MYO5B: variants seen among roughly 807,000 people sequenced by gnomAD.
MYO5B encodes myosin VB.
In MYO5B, 143 loss-of-function variants were observed where a neutral mutation model predicts 229.3. The ratio of observed to expected loss-of-function variants is 0.62; its 90% confidence interval spans 0.54 to 0.72. The LOEUF (loss-of-function observed/expected upper bound fraction) is 0.72, where lower values mean the gene tolerates loss of function less well. Among genes scored for constraint, MYO5B ranks in the 30% least tolerant of loss-of-function variants. MYO5B has a pLI of 0.00. For synonymous variants in MYO5B, 918 were observed against 885.2 expected (o/e 1.04, Z -0.66); for missense variants, 2,321 against 2,331.0 (o/e 1.00, Z 0.09).
chr18:50,165,562 G>T (rs1258327063), intron 1 of MYO5B, among the ~76,000 whole-genome samples: 1 of 152,230 alleles, frequency 6.6e-6, no homozygotes, highest in African/African-American at 2.4e-5. Context: ...GATCACTTAA[G>T]GTCACGAGTT....
intron 33 of MYO5B, among the ~76,000 whole-genome samples, chr18:49,846,576 C>T (rs1192353484): frequency 6.6e-6 from 1 of 152,198 alleles, no homozygotes; most frequent in East Asian, 1.9e-4. Flanking sequence ...CTGTACCACA[C>T]AGCACTTTAA....
At chr18:49,898,556 T>C (rs967521303) in intron 21 of MYO5B, among the ~76,000 whole-genome samples, 1 of 152,136 alleles carries the variant, frequency 6.6e-6, no homozygotes, top group Non-Finnish European at 1.5e-5. Flanking sequence ...CTGCAAGAAA[T>C]GGTCTCAAGA....
In MYO5B at chr18:49,853,620, C is replaced by A; in HGVS notation, c.4050G>T (p.Gln1350His). The A allele has an allele frequency of 6.2e-7, 1 of 1,613,686 alleles. No individual in the cohort carries two copies. The highest frequency in any genetic ancestry group is 8.5e-7 in the Non-Finnish European group (1 of 1,180,002). Residue 1350 changes from glutamine (Q) to histidine (H), a missense_variant, in exon 31 of 40, where the codon CAG (glutamine) becomes CAT (histidine). By Grantham distance (24) the Gln-to-His change is conservative (BLOSUM62 0). This residue lies in a region of MYO5B where 2,113 missense variants were observed against 2,044.7 expected (regional missense o/e 1.03). Coordinates refer to ENST00000285039, the MANE Select transcript of MYO5B (RefSeq NM_001080467.3). ...CCACCTCCTCCTCATGCTCCAGGCTCTGGGCCTGCAGCTGAGCCTCCAGCA... is the reference window on the plus strand; with the variant it reads ...CCACCTCCTCCTCATGCTCCAGGCTATGGGCCTGCAGCTGAGCCTCCAGCA... The part of the protein sequence containing the change: ...ARLLEAQLQA[Q>H]SLEHEEEVEH...
chr18:49,911,470 G>T (rs2024956780), intron 18 of MYO5B, among the ~76,000 whole-genome samples: 1 of 152,186 alleles, frequency 6.6e-6, no homozygotes, highest in Non-Finnish European at 1.5e-5. Context: ...AATAAAGAAA[G>T]GCAGAGTAGT....
chr18:50,050,725 C>T (rs868194445), intron 2 of MYO5B, among the ~76,000 whole-genome samples: 1 of 152,174 alleles, frequency 6.6e-6, no homozygotes, highest in Admixed American at 6.5e-5. Flanking sequence ...CAGTGCCCAG[C>T]TGCCTTGAGG....
Position 50,137,299 on chromosome 18 carries a change from C to T in MYO5B, c.27+57468G>A, listed in dbSNP as rs138647831. Among the ~76,000 whole-genome samples the T allele has an allele frequency of 1.8e-3, 280 of 152,320 alleles. 10 individuals are homozygous for T. The East Asian group carries it at 0.052, about 28-fold the overall frequency. Reference sequence around the variant, plus strand: ...ATTTTGAACAAACGTTATTTCAGGGCCTGCTTTATGCCAGCACTGTGTAAG... The same window carrying T: ...ATTTTGAACAAACGTTATTTCAGGGTCTGCTTTATGCCAGCACTGTGTAAG... On this transcript the variant is annotated intron_variant, in intron 1 of 39. Coordinates refer to ENST00000285039, the MANE Select transcript of MYO5B (RefSeq NM_001080467.3).
intron 4 of MYO5B, among the ~76,000 whole-genome samples, chr18:50,024,638 T>TA (rs1012452730): frequency 1.3e-5 from 2 of 152,156 alleles, no homozygotes; most frequent in Non-Finnish European, 2.9e-5. Context: ...TATCGATCTG[T>TA]AATAGGGGCA....
At chr18:49,827,972 G>A (rs936584954) in intron 39 of MYO5B, among the ~76,000 whole-genome samples, 13 of 152,138 alleles carry the variant, frequency 8.5e-5, no homozygotes, top group Non-Finnish European at 1.9e-4. Context: ...GTATCCATGG[G>A]GGATTGGTTC....
intron 4 of MYO5B, among the ~76,000 whole-genome samples, chr18:50,006,259 CCTTCAAAAATATAACCAATGTGTGG>C (rs1568067739): frequency 6.6e-6 from 1 of 152,146 alleles, no homozygotes; most frequent in Non-Finnish European, 1.5e-5. Flanking sequence ...GACCCAATGT[CCTTCAAAAATATAACCAATGTGTGG>C]CTTCATCCAT....
At chr18:50,077,229 G>A (rs369177786) in intron 1 of MYO5B, among the ~76,000 whole-genome samples, 19 of 147,812 alleles carry the variant, frequency 1.3e-4, no homozygotes, top group African/African-American at 4.5e-4. Context: ...TCTTATTGTC[G>A]GTCTTTCACT....
rs2025942931 is a variant in MYO5B, at chr18:49,992,384, A to G, written c.660T>C (p.Phe220=). 4 of 1,614,092 alleles carry G rather than the reference A, an allele frequency of 2.5e-6. No homozygotes were observed. Among genetic ancestry groups the G allele is most frequent in the Non-Finnish European group, 3.4e-6 (4 of 1,180,032 alleles). ...KTTRNDNSSR[F]GKYIQIGFDK... ...CAAAGCCAATCTGGATGTACTTGCC[A>G]AAACGGCTGCTGTTGTCATTGCGGG... The change falls in exon 6 of 40, where the codon TTT becomes TTC. Residue 220 remains phenylalanine, a synonymous_variant. Coordinates refer to ENST00000285039, the MANE Select transcript of MYO5B (RefSeq NM_001080467.3).
At chr18:50,156,902 C>T (rs886300714) in intron 1 of MYO5B, among the ~76,000 whole-genome samples, 1 of 152,152 alleles carries the variant, frequency 6.6e-6, no homozygotes, top group Non-Finnish European at 1.5e-5. Flanking sequence ...TTATCCAACG[C>T]TACTGTCACC....
chr18:50,138,832 G>A (rs1207665631), intron 1 of MYO5B, among the ~76,000 whole-genome samples: 1 of 152,144 alleles, frequency 6.6e-6, no homozygotes, highest in Middle Eastern at 3.2e-3. Context: ...TTAAGTACCA[G>A]AGCCCAGCCA....
At position 49,823,307 on chromosome 18, in the gene MYO5B, AACTG is replaced by A. The variant is rs1315062285; in HGVS notation, c.*3160_*3163del. ...GCTCATGCAGCAAATTAATTGGAGA[AACTG>A]ACCACAAATATTCTGTGAAGAACTA... On this transcript the variant is annotated 3_prime_UTR_variant, in exon 40 of 40. Transcript: ENST00000285039. 6.6e-6 allele frequency: 1 copy of A among 152,268 alleles called. No individual in the cohort carries two copies. Among genetic ancestry groups the A allele is most frequent in the African/African-American group, 2.4e-5 (1 of 41,484 alleles). The allele number at this position is 152,268 out of a possible 1,614,324, so 9.4% of individuals were successfully genotyped here.
At position 49,867,107 on chromosome 18, in the gene MYO5B, T is replaced by C. The variant is rs905081602; in HGVS notation, c.3604-2727A>G. 3.7e-4 allele frequency among the ~76,000 whole-genome samples: 56 copies of C among 152,098 alleles called. 1 individual carries two copies. The highest frequency in any genetic ancestry group is 1.3e-3 in the African/African-American group (55 of 41,408). On this transcript the variant is annotated intron_variant, in intron 27 of 39. Coordinates refer to ENST00000285039, the MANE Select transcript of MYO5B (RefSeq NM_001080467.3). ...GATCCAGGAAAAAGCAGTGAGCTGGTCATCGCAGAGCTTCAGAAGGGTTTC... is the reference window on the plus strand; with the variant it reads ...GATCCAGGAAAAAGCAGTGAGCTGGCCATCGCAGAGCTTCAGAAGGGTTTC...
At chr18:49,946,267 A>T (rs1243173010) in intron 14 of MYO5B, 1 of 152,132 alleles carries the variant, frequency 6.6e-6, no homozygotes, top group Admixed American at 6.5e-5. Context: ...TAATCTGAAA[A>T]TCCAAAATGC....
chr18:50,060,712 C>G (rs2030665865), intron 1 of MYO5B, among the ~76,000 whole-genome samples: 1 of 152,184 alleles, frequency 6.6e-6, no homozygotes, highest in East Asian at 1.9e-4. Flanking sequence ...AGGGCCAGCT[C>G]CAGCAGCTGT....
intron 8 of MYO5B, among the ~76,000 whole-genome samples, chr18:49,982,129 G>A (rs1598930031): frequency 6.6e-6 from 1 of 152,286 alleles, no homozygotes; most frequent in Admixed American, 6.5e-5. Context: ...TCAGGCTGGA[G>A]TCCAGTGGCA....
At chr18:49,851,654 G>A (rs1284964213) in intron 31 of MYO5B, among the ~76,000 whole-genome samples, 3 of 148,394 alleles carry the variant, frequency 2.0e-5, no homozygotes, top group African/African-American at 7.5e-5. Flanking sequence ...GCTACCAGGA[G>A]GGACAATCAC....
Sources: allele counts gnomAD v4.1 joint callset (sites outside exome capture counted in the v4.1 genomes callset), GRCh38; gene constraint gnomAD v4.1.1; regional missense constraint gnomAD v4.1.1; transcripts MANE v1.5; gene names NCBI Gene and HGNC (gene_info 2026-07-23, HGNC 2026-07-21).